The following COMMD10 variants were observed in gnomAD, a reference collection of about 807,000 sequenced individuals.
COMMD10 encodes COMM domain-containing protein 10.
A neutral mutation model predicts 28.9 loss-of-function variants in COMMD10; 33 were observed. The observed-to-expected ratio is 1.14, with a 90% CI of 0.87 to 1.53. COMMD10 has a LOEUF of 1.53. Ranked by LOEUF, COMMD10 falls within the 40% of genes most tolerant of loss-of-function variation. COMMD10 has a pLI of 0.00. For missense variants in COMMD10, 310 were observed against 233.4 expected, an observed-to-expected ratio of 1.33 and a Z score of -2.14; for synonymous variants, 110 against 81.7, an observed-to-expected ratio of 1.35 and a Z score of -1.87.
chr5:116,157,954 T>TTA (rs1554093835), intron 5 of COMMD10, among the ~76,000 whole-genome samples: 55 of 150,358 alleles, frequency 3.7e-4, no homozygotes, highest in African/African-American at 1.3e-3. Context: ...TTTTTTTTTT[T>TTA]AGTCAACCAT....
intron 5 of COMMD10, chr5:116,218,370 A>G (rs1262587439): frequency 5.2e-6 from 3 of 574,564 alleles, no homozygotes; most frequent in African/African-American, 3.8e-5. Flanking sequence ...TGGTGAGTCC[A>G]GGGGTCGTTC....
chr5:116,086,790 C>A (rs572064260), intron 1 of COMMD10, among the ~76,000 whole-genome samples: 1 of 151,922 alleles, frequency 6.6e-6, no homozygotes. Context: ...CCAGCCTGGG[C>A]AACAGGGCAA....
At chr5:116,229,755 G>T (rs550275060) in intron 5 of COMMD10, among the ~76,000 whole-genome samples, 1 of 151,868 alleles carries the variant, frequency 6.6e-6, no homozygotes, top group Non-Finnish European at 1.5e-5. Context: ...CAAGTGAAAA[G>T]ATATATCTTT....
At chr5:116,207,349 A>T (rs540879233) in intron 5 of COMMD10, among the ~76,000 whole-genome samples, 250 of 152,272 alleles carry the variant, frequency 1.6e-3, no homozygotes, top group Non-Finnish European at 2.9e-3. Flanking sequence ...GAAATGAATA[A>T]TTCCCTTTCT....
Position 116,257,628 on chromosome 5 carries a change from C to G in COMMD10, c.511-33889C>G, listed in dbSNP as rs575209003. Among the ~76,000 whole-genome samples, 70 of 151,698 alleles carry G rather than the reference C, an allele frequency of 4.6e-4. 2 individuals are homozygous for G. The highest frequency in any genetic ancestry group is 1.5e-3 in the African/African-American group (62 of 41,178). ...TAGCAGGGGGCCCTTTACCTGAAAT[C>G]ATGGTACTAGTTTTAAACTTCATGT... On this transcript the variant is annotated intron_variant, in intron 5 of 6. Coordinates refer to ENST00000274458, the MANE Select transcript of COMMD10 (RefSeq NM_016144.4).
chr5:116,291,431 G>A, intron 5 of COMMD10, 86 bp from the exon 6 acceptor site: 5 of 909,176 alleles, frequency 5.5e-6, no homozygotes, highest in African/African-American at 1.7e-5. Context: ...ACAATCTTAT[G>A]TCATATTCTG....
intron 5 of COMMD10, among the ~76,000 whole-genome samples, chr5:116,239,802 A>G (rs1034484698): frequency 1.3e-5 from 2 of 152,172 alleles, no homozygotes; most frequent in Admixed American, 1.3e-4. Context: ...CTGTTCTCGC[A>G]GAGTTTACAG....
At chr5:116,181,713 T>A (rs1390476975) in intron 5 of COMMD10, among the ~76,000 whole-genome samples, 2 of 151,978 alleles carry the variant, frequency 1.3e-5, no homozygotes, top group African/African-American at 4.8e-5. Flanking sequence ...TTTGACCTAA[T>A]CAAAATTAAA....
At chr5:116,198,768 C>T (rs1329794260) in intron 5 of COMMD10, among the ~76,000 whole-genome samples, 2 of 152,100 alleles carry the variant, frequency 1.3e-5, no homozygotes, top group African/African-American at 4.8e-5. Flanking sequence ...TTAAATTCTC[C>T]ATGTCTTTTC....
intron 5 of COMMD10, among the ~76,000 whole-genome samples, chr5:116,242,278 G>T (rs1303893025): frequency 6.6e-6 from 1 of 152,178 alleles, no homozygotes; most frequent in Non-Finnish European, 1.5e-5. Context: ...CATATCTGTT[G>T]CCTATTAGTA....
At chr5:116,291,490 T>A (rs201584040) in intron 5 of COMMD10, 27 bp from the exon 6 acceptor site, 98 of 1,533,242 alleles carry the variant, frequency 6.4e-5, no homozygotes, top group Non-Finnish European at 8.3e-5. Flanking sequence ...GCAACTACAT[T>A]CTTTTTGTTG....
intron 4 of COMMD10, among the ~76,000 whole-genome samples, chr5:116,094,694 C>T (rs1032430847): frequency 2.0e-5 from 3 of 152,076 alleles, no homozygotes; most frequent in South Asian, 4.1e-4. Flanking sequence ...GAAAGGAAAT[C>T]GGTATATTAA....
chr5:116,285,799 C>T (rs1364316550), intron 5 of COMMD10, among the ~76,000 whole-genome samples: 5 of 151,900 alleles, frequency 3.3e-5, no homozygotes, highest in Admixed American at 6.6e-5. Flanking sequence ...ATTTTTGCGT[C>T]AATACTTACG....
rs536455724 is a variant in COMMD10, at chr5:116,142,476, G to C, written c.510+8298G>C. On this transcript the variant is annotated intron_variant, in intron 5 of 6. Coordinates refer to ENST00000274458, the MANE Select transcript of COMMD10 (RefSeq NM_016144.4). ...AAGAGGATGATTACTAGGTGAAAGG[G>C]TATAAACCAAAATAAAACAAAACAT... Among the ~76,000 whole-genome samples the C allele has an allele frequency of 3.9e-4, 59 of 151,842 alleles. 2 individuals are homozygous for C. In the South Asian group the frequency reaches 9.5e-3, roughly 25 times the overall value.
intron 4 of COMMD10, among the ~76,000 whole-genome samples, chr5:116,108,078 G>C (rs1750902334): frequency 6.6e-6 from 1 of 152,178 alleles, no homozygotes; most frequent in South Asian, 2.1e-4. Context: ...CAAGATGCCA[G>C]CCCCAGCTCT....
chr5:116,240,909 T>C (rs1323996921), intron 5 of COMMD10, among the ~76,000 whole-genome samples: 5 of 152,164 alleles, frequency 3.3e-5, no homozygotes, highest in Non-Finnish European at 5.9e-5. Flanking sequence ...AAAGAAAAAT[T>C]ATTCCAGGCT....
chr5:116,263,711 C>G (rs1750510337), intron 5 of COMMD10, among the ~76,000 whole-genome samples: 2 of 151,732 alleles, frequency 1.3e-5, no homozygotes, highest in Admixed American at 6.6e-5. Context: ...GACCAATTGT[C>G]AACTAGAAAA....
At chr5:116,160,520 A>C (rs536560509) in intron 5 of COMMD10, among the ~76,000 whole-genome samples, 2 of 152,270 alleles carry the variant, frequency 1.3e-5, no homozygotes, top group East Asian at 3.9e-4. Context: ...TGAGTCTCTT[A>C]GGTACAAGGT....
intron 5 of COMMD10, among the ~76,000 whole-genome samples, chr5:116,215,546 G>T (rs547933880): frequency 6.6e-6 from 1 of 151,650 alleles, no homozygotes; most frequent in South Asian, 2.1e-4. Flanking sequence ...AATGAGCCAG[G>T]CGTGGTGGCG....
Sources: gnomAD v4.1 joint callset for allele counts (sites outside exome capture counted in the v4.1 genomes callset) on GRCh38, gnomAD v4.1.1 for gene constraint, MANE v1.5 for transcripts, NCBI Gene and HGNC (gene_info 2026-07-23, HGNC 2026-07-21) for gene names.